PCA3: variants seen among roughly 807,000 people sequenced by gnomAD.
PCA3 encodes Differential Display code 3.
Position 76,780,672 on chromosome 9 carries a change from C to G in PCA3, n.853-27911C>G, listed in dbSNP as rs138760508. 3.2e-3 allele frequency among the ~76,000 whole-genome samples: 485 copies of G among 152,282 alleles called. 5 individuals are homozygous for G. Among genetic ancestry groups the G allele is most frequent in the African/African-American group, 0.011 (476 of 41,552 alleles). ...CCCCACTGCACTCCAGCCTGGGCGA[C>G]AGAGCAAGACTCCGTCTCAAAAACA... On this transcript the variant is annotated intron_variant and non_coding_transcript_variant, in intron 2 of 5. Transcript: ENST00000644657.
chr9:76,771,520 A>T (rs1361737032), intron 2 of PCA3, among the ~76,000 whole-genome samples: 1 of 152,208 alleles, frequency 6.6e-6, no homozygotes, highest in Non-Finnish European at 1.5e-5. Flanking sequence ...AATGAGGAAG[A>T]CTACGGTGAG....
chr9:76,773,438 C>CTT (rs35078779), intron 2 of PCA3, among the ~76,000 whole-genome samples: 162 of 107,550 alleles, frequency 1.5e-3, no homozygotes, highest in Middle Eastern at 4.8e-3. Flanking sequence ...ACTAGTACAT[C>CTT]TTTTTTTTTT....
At chr9:76,775,631 G>A (rs1159841362) in intron 2 of PCA3, among the ~76,000 whole-genome samples, 3 of 152,106 alleles carry the variant, frequency 2.0e-5, no homozygotes, top group Non-Finnish European at 2.9e-5. Flanking sequence ...CATTTTCTCA[G>A]TCTGTCCATA....
chr9:76,779,678 T>C (rs2054163224), intron 2 of PCA3: 1 of 152,238 alleles, frequency 6.6e-6, no homozygotes, highest in Non-Finnish European at 1.5e-5. Context: ...CACTGTATTG[T>C]CTGAAATGAC....
chr9:76,768,903 C>T (rs115798470), intron 2 of PCA3, among the ~76,000 whole-genome samples: 3,501 of 152,188 alleles, frequency 0.023, 61 homozygotes, highest in Middle Eastern at 0.027. Flanking sequence ...AAACGCTGTA[C>T]TTTATAAAAA....
intron 2 of PCA3, among the ~76,000 whole-genome samples, chr9:76,783,149 T>G (rs2054604123): frequency 6.6e-6 from 1 of 152,192 alleles, no homozygotes; most frequent in Non-Finnish European, 1.5e-5. Context: ...GTTTGTTTGT[T>G]TTTTGGAAAC....
chr9:76,779,607 T>C (rs991896765), intron 2 of PCA3: 3 of 152,194 alleles, frequency 2.0e-5, no homozygotes, highest in East Asian at 1.9e-4. Flanking sequence ...TTCAACTAAA[T>C]AGGTAAAGAA....
At chr9:76,768,022 T>C (rs937296553) in intron 2 of PCA3, among the ~76,000 whole-genome samples, 2 of 152,182 alleles carry the variant, frequency 1.3e-5, no homozygotes, top group Non-Finnish European at 2.9e-5. Context: ...CCTCCAGCTA[T>C]ACGTGCATCA....
chr9:76,779,041 A>AT (rs1378878564), intron 2 of PCA3: 1 of 152,264 alleles, frequency 6.6e-6, no homozygotes, highest in African/African-American at 2.4e-5. Context: ...TTCTCCAGTG[A>AT]TTTTTTTATC....
intron 2 of PCA3, among the ~76,000 whole-genome samples, chr9:76,777,282 T>C (rs2053910398): frequency 6.6e-6 from 1 of 152,164 alleles, no homozygotes; most frequent in Non-Finnish European, 1.5e-5. Context: ...GGGAGGCTTC[T>C]CAGACTGCCC....
chr9:76,786,462 C>A (rs563200801), intron 2 of PCA3: 1 of 152,502 alleles, frequency 6.6e-6, no homozygotes, highest in African/African-American at 2.4e-5. Flanking sequence ...TCAAGGAAAC[C>A]AGTGTCATGA....
chr9:76,776,178 T>C (rs1177757524), intron 2 of PCA3, among the ~76,000 whole-genome samples: 2 of 152,210 alleles, frequency 1.3e-5, no homozygotes, highest in Non-Finnish European at 1.5e-5. Context: ...ACAAGTGCAG[T>C]TTTGTTACAT....
At chr9:76,776,948 A>G (rs1276988685) in intron 2 of PCA3, among the ~76,000 whole-genome samples, 1 of 143,720 alleles carries the variant, frequency 7.0e-6, no homozygotes, top group Non-Finnish European at 1.5e-5. Flanking sequence ...ACACACACAA[A>G]GGGCCTGGAC....
At chr9:76,767,952 A>C (rs2052602620) in intron 2 of PCA3, among the ~76,000 whole-genome samples, 1 of 152,182 alleles carries the variant, frequency 6.6e-6, no homozygotes, top group Admixed American at 6.5e-5. Flanking sequence ...AAGTATTAAT[A>C]ATTGTACATT....
At chr9:76,777,633 G>A (rs184065684) in intron 2 of PCA3, among the ~76,000 whole-genome samples, 6 of 152,254 alleles carry the variant, frequency 3.9e-5, no homozygotes, top group East Asian at 3.9e-4. Context: ...CCCTACCCTC[G>A]TGAAAGTCAC....
chr9:76,774,468 T>TATTTATTTATTTA (rs1564272983), intron 2 of PCA3, among the ~76,000 whole-genome samples: 1 of 144,618 alleles, frequency 6.9e-6, no homozygotes, highest in African/African-American at 2.5e-5. Flanking sequence ...TTTTTTTTTT[T>TATTTATTTATTTA]TTTTTTTTTG....
rs531084555 is a variant in PCA3, at chr9:76,782,485, T to C, written n.853-26098T>C. 2.0e-5 allele frequency among the ~76,000 whole-genome samples: 3 copies of C among 152,316 alleles called. No homozygotes were observed. In the East Asian group the frequency reaches 5.8e-4, roughly 29 times the overall value. On this transcript the variant is annotated intron_variant and non_coding_transcript_variant, in intron 2 of 5. Coordinates refer to ENST00000644657, the Ensembl canonical transcript of PCA3. ...TGCCACACTTTGTTTATCTGAAACA[T>C]GAAGACAACTACAGCATCTTCTTTA...
At chr9:76,787,557 T>A (rs2055117772) in intron 2 of PCA3, 1 of 151,924 alleles carries the variant, frequency 6.6e-6, no homozygotes, top group African/African-American at 2.4e-5. Flanking sequence ...AAGTAAAATT[T>A]AAAAAAAAGT....
chr9:76,768,537 G>T (rs905145094), intron 2 of PCA3, among the ~76,000 whole-genome samples: 1 of 151,020 alleles, frequency 6.6e-6, no homozygotes, highest in Admixed American at 6.6e-5. Flanking sequence ...CACCTAGAAC[G>T]TTCTCTGGGT....
Sources: gnomAD v4.1 joint callset for allele counts (sites outside exome capture counted in the v4.1 genomes callset) on GRCh38, gnomAD v4.1.1 for gene constraint, MANE v1.5 for transcripts, NCBI Gene and HGNC (gene_info 2026-07-23, HGNC 2026-07-21) for gene names.